PCNT: variants seen among roughly 807,000 people sequenced by gnomAD.
The protein encoded by PCNT is pericentrin.
PCNT carries 319 observed loss-of-function variants against 380.4 expected under a neutral mutation model. The observed-to-expected ratio is 0.84, with a 90% CI of 0.77 to 0.92. PCNT has a LOEUF of 0.92. Ranked by LOEUF, PCNT falls within the 40% of genes least tolerant of loss-of-function variation. The probability of loss-of-function intolerance (pLI) is 0.00; values close to 1 mark genes in which losing one functional copy is unlikely to be tolerated. For synonymous variants in PCNT, 1,845 were observed against 1,735.2 expected (o/e 1.06, Z -1.57); for missense variants, 4,400 against 4,255.3 (o/e 1.03, Z -0.95).
In PCNT at chr21:46,343,380, A is replaced by G. The variant is rs139215873; in HGVS notation, c.640-2748A>G. Among the ~76,000 whole-genome samples the G allele has an allele frequency of 6.1e-3, 930 of 152,218 alleles. 7 individuals are homozygous for G. The highest frequency in any genetic ancestry group is 0.01 in the Middle Eastern group (3 of 294). On this transcript the variant is annotated intron_variant, in intron 3 of 46. Coordinates refer to ENST00000359568, the MANE Select transcript of PCNT (RefSeq NM_006031.6). ...TTTGTCAAATGCTTCTTCTGCATCT[A>G]TTGAGATGATCATATGATTTTTCTT... is the stretch of plus-strand genomic sequence containing the variant.
intron 27 of PCNT, among the ~76,000 whole-genome samples, chr21:46,403,724 G>A (rs536796277): frequency 2.0e-5 from 3 of 147,610 alleles, no homozygotes; most frequent in African/African-American, 7.6e-5. Flanking sequence ...AACACAGCGT[G>A]GGAGAATAGT....
intron 8 of PCNT, 131 bp from the exon 9 acceptor site, chr21:46,351,298 C>T (rs559703623): frequency 7.3e-5 from 53 of 724,134 alleles, no homozygotes; most frequent in South Asian, 3.9e-4. Context: ...TGGCTTTCTC[C>T]GAGCTGCAGG....
At position 46,402,342 on chromosome 21, in the gene PCNT, A is replaced by G. The variant is rs2147503604; in HGVS notation, c.4974A>G (p.Leu1658=). The change falls in exon 27 of 47, where the codon TTA becomes TTG. Residue 1658 remains leucine (L), a synonymous_variant. Transcript: ENST00000359568. ...LLRRESEVLD[L]KEQLEKMKGD... ...TGTTTTAATGAAAGGTTTTGGACTT[A>G]AAAGAACAGCTAGAAAAGATGAAAG... 1 of 1,604,524 alleles carries G rather than the reference A, an allele frequency of 6.2e-7. No individual in the cohort carries two copies. Among genetic ancestry groups the G allele is most frequent in the Non-Finnish European group, 8.5e-7 (1 of 1,171,384 alleles).
intron 16 of PCNT, 118 bp downstream of exon 16, chr21:46,381,958 G>T (rs1263116981): frequency 3.5e-6 from 4 of 1,139,730 alleles, no homozygotes; most frequent in Middle Eastern, 4.0e-4. Flanking sequence ...TGCATTTATA[G>T]TGTTGTACAT....
At chr21:46,397,739 C>T (rs936881703) in intron 22 of PCNT, among the ~76,000 whole-genome samples, 3 of 150,270 alleles carry the variant, frequency 2.0e-5, no homozygotes, top group African/African-American at 4.9e-5. Context: ...GTCACGGAGG[C>T]GTCACTTGGG....
chr21:46,352,933 T>A (rs1425294588), intron 9 of PCNT, among the ~76,000 whole-genome samples, 171 bp from the exon 10 acceptor site: 1 of 152,154 alleles, frequency 6.6e-6, no homozygotes, highest in Non-Finnish European at 1.5e-5. Flanking sequence ...CTCTCCACAT[T>A]CAGGGGCGTA....
Position 46,391,150 on chromosome 21 carries a change from T to G in PCNT, c.4004-14T>G, listed in dbSNP as rs1303964340. 2 of 1,568,428 alleles carry G rather than the reference T, an allele frequency of 1.3e-6. No homozygotes were observed. The highest frequency in any genetic ancestry group is 1.7e-6 in the Non-Finnish European group (2 of 1,155,546). On this transcript the variant is annotated splice_polypyrimidine_tract_variant and intron_variant, in intron 20 of 46. Transcript: ENST00000359568. The stretch of plus-strand genomic sequence containing the variant: ...AGGACTGGCTTTGTCAGAGCATCTG[T>G]GTCTCCCACAAAGGTACCCTTGAGG...
intron 8 of PCNT, among the ~76,000 whole-genome samples, chr21:46,350,172 G>T (rs536214567): frequency 1.3e-5 from 2 of 152,088 alleles, no homozygotes; most frequent in Non-Finnish European, 2.9e-5. Context: ...GCGAGCCTCC[G>T]TCTCAAAAGC....
chr21:46,353,505 A>G (rs541014294), intron 10 of PCNT, among the ~76,000 whole-genome samples, 179 bp downstream of exon 10: 2 of 152,238 alleles, frequency 1.3e-5, no homozygotes, highest in Admixed American at 6.5e-5. Flanking sequence ...AGTGGCCTGC[A>G]TGTGTGTGTG....
chr21:46,346,259 A>G (rs1228412570), intron 4 of PCNT, 51 bp downstream of exon 4: 1 of 1,092,468 alleles, frequency 9.2e-7, no homozygotes, highest in East Asian at 2.5e-5. Context: ...TGTTATCCCC[A>G]CAGGGCACAG....
chr21:46,346,355 G>A, intron 4 of PCNT, 147 bp downstream of exon 4: 1 of 738,476 alleles, frequency 1.4e-6, no homozygotes, highest in Non-Finnish European at 2.3e-6. Flanking sequence ...GGGGCCATCA[G>A]CAGGGCCGGT....
Position 46,411,323 on chromosome 21 carries a change from G to A in PCNT, c.5250G>A (p.Gln1750=), listed in dbSNP as rs771778326. 3 of 1,614,206 alleles carry A rather than the reference G, an allele frequency of 1.9e-6. No individual in the cohort carries two copies. The South Asian group carries it at 3.3e-5, about 18-fold the overall frequency. ...EQLHEVIEKL[Q]HELSLMGPVV... The stretch of plus-strand genomic sequence containing the variant: ...TCCATGAAGTCATTGAGAAGCTGCA[G>A]CACGAGCTGTCCCTCATGGGGCCTG... Residue 1750 remains glutamine (Q), a synonymous_variant, in exon 28 of 47, where the codon CAG becomes CAA. Transcript: ENST00000359568.
At chr21:46,415,757 A>T (rs758172923) in intron 29 of PCNT, among the ~76,000 whole-genome samples, 1 of 152,196 alleles carries the variant, frequency 6.6e-6, no homozygotes, top group Non-Finnish European at 1.5e-5. Context: ...CAGAAACTCC[A>T]AATTCATCAC....
In PCNT at chr21:46,411,910, A is replaced by G; in HGVS notation, c.5837A>G (p.Glu1946Gly). Residue 1946 changes from glutamate to glycine, a missense_variant, in exon 28 of 47, where the codon GAG (glutamate) becomes GGG (glycine). Glu to Gly is a moderately conservative substitution (Grantham distance 98). Coordinates refer to ENST00000359568, the MANE Select transcript of PCNT (RefSeq NM_006031.6). ...LHQRFLRCQV[E>G]LDRRQARRAT... Reference sequence around the variant, plus strand: ...CAGCGGTTCCTGAGGTGCCAGGTGGAGCTGGACAGGCGGCAGGCCCGCAGA... The same window carrying G: ...CAGCGGTTCCTGAGGTGCCAGGTGGGGCTGGACAGGCGGCAGGCCCGCAGA... 1 of 1,586,796 alleles carries G rather than the reference A, an allele frequency of 6.3e-7. No individual in the cohort carries two copies. Among genetic ancestry groups the G allele is most frequent in the African/African-American group, 1.3e-5 (1 of 74,730 alleles).
At chr21:46,351,281 C>T in intron 8 of PCNT, 148 bp from the exon 9 acceptor site, 1 of 701,650 alleles carries the variant, frequency 1.4e-6, no homozygotes, top group Non-Finnish European at 2.6e-6. Flanking sequence ...TCGGTCTCTG[C>T]TGTGGCTGGC....
rs552200638 is a variant in PCNT, at chr21:46,341,113, C to T, written c.640-5015C>T. ...GGCCAGGCTGGTCTTGAGCTCCTGA[C>T]CTCAAGTGATCTGCCCACCTTGGCC... On this transcript the variant is annotated intron_variant, in intron 3 of 46. Coordinates refer to ENST00000359568, the MANE Select transcript of PCNT (RefSeq NM_006031.6). Among the ~76,000 whole-genome samples the T allele has an allele frequency of 1.1e-4, 17 of 152,274 alleles. 1 individual carries two copies. The highest frequency in any genetic ancestry group is 1.0e-3 in the Admixed American group (16 of 15,282).
At chr21:46,412,752 C>G (rs1192204876) in intron 28 of PCNT, 85 bp from the exon 29 acceptor site, 8 of 1,445,260 alleles carry the variant, frequency 5.5e-6, no homozygotes, top group Non-Finnish European at 7.7e-6. Flanking sequence ...GGCTGCCGTA[C>G]TGGTTCCCAG....
Position 46,416,948 on chromosome 21 carries a change from A to G in PCNT, c.6921+109A>G, listed in dbSNP as rs548623197. ...CACCTCCTGACAGCACACACCTCGC[A>G]GTGCTGTGTGGGGCCAGCTCTGCAG... On this transcript the variant is annotated intron_variant, in intron 30 of 46. Transcript: ENST00000359568. 1.7e-4 allele frequency: 189 copies of G among 1,085,592 alleles called. 1 individual carries two copies. Among genetic ancestry groups the G allele is most frequent in the Admixed American group, 2.6e-4 (12 of 46,150 alleles). The allele number at this position is 1,085,592 out of a possible 1,614,324, so 67.2% of individuals were successfully genotyped here.
rs796581249 is a variant in PCNT at position 46,388,993 on chromosome 21, C to T, written c.3607+109C>T. On this transcript the variant is annotated intron_variant, in intron 18 of 46. Coordinates refer to ENST00000359568, the MANE Select transcript of PCNT (RefSeq NM_006031.6). The surrounding 1 kb of genome is among the most constrained non-coding windows in gnomAD (Gnocchi z 4.2). ...TGGGCGATGCCCTTGGGAGCACTGC[C>T]GTCCTGGTTTCCTGCTAGTTTCCGC... The T allele has an allele frequency of 4.1e-5, 60 of 1,473,248 alleles. No homozygotes were observed. The highest frequency in any genetic ancestry group is 1.1e-4 in the African/African-American group (8 of 71,776). The allele number at this position is 1,473,248 out of a possible 1,614,324, so 91.3% of individuals were successfully genotyped here. A position where few individuals can be genotyped will look rare whatever the true frequency, so the allele number is the denominator to read the frequency against.
Sources: allele counts gnomAD v4.1 joint callset (sites outside exome capture counted in the v4.1 genomes callset), GRCh38; gene constraint gnomAD v4.1.1; non-coding constraint Gnocchi (gnomAD v3.1); transcripts MANE v1.5; gene names NCBI Gene and HGNC (gene_info 2026-07-23, HGNC 2026-07-21).